Variants in DPP10 observed in about 807,000 individuals in gnomAD.
The protein encoded by DPP10 is inactive dipeptidyl peptidase 10.
A neutral mutation model predicts 120.9 loss-of-function variants in DPP10; 33 were observed. The ratio of observed to expected loss-of-function variants is 0.27; its 90% CI spans 0.21 to 0.37. DPP10 has a LOEUF of 0.37. Ranked by LOEUF, DPP10 falls within the 10% of genes least tolerant of loss-of-function variation. The pLI is 1.00. For synonymous variants in DPP10, 337 were observed against 326.1 expected (o/e 1.03, Z -0.36); for missense variants, 816 against 942.8 (o/e 0.87, Z 1.76).
At chr2:115,820,148 T>C (rs1407517809) in intron 21 of DPP10, among the ~76,000 whole-genome samples, 1 of 152,224 alleles carries the variant, frequency 6.6e-6, no homozygotes, top group African/African-American at 2.4e-5. Context: ...ACTTTTCTTA[T>C]TATTTTTATG....
chr2:115,379,091 C>CTTTT (rs943975083), intron 3 of DPP10, among the ~76,000 whole-genome samples: 2 of 152,134 alleles, frequency 1.3e-5, no homozygotes, highest in Non-Finnish European at 2.9e-5. Context: ...AGGATTCCCT[C>CTTTT]TTTTTCTATT....
chr2:114,950,686 G>A (rs552337812), intron 1 of DPP10, among the ~76,000 whole-genome samples: 3 of 151,880 alleles, frequency 2.0e-5, no homozygotes, highest in East Asian at 3.9e-4. Context: ...TGTTATTTAG[G>A]TTTTAAAGGG....
In DPP10 at chr2:115,262,243, A is replaced by G. The variant is rs946077544; in HGVS notation, c.61-46996A>G. ...TTTTTTTTAACTTACTGATCATTAT[A>G]TATCTGAGAAATTTGGTGTAACACC... On this transcript the variant is annotated intron_variant, in intron 1 of 25. Coordinates refer to ENST00000410059, the MANE Select transcript of DPP10 (RefSeq NM_020868.6). Among the ~76,000 whole-genome samples, 14 of 152,204 alleles carry G rather than the reference A, an allele frequency of 9.2e-5. 1 individual carries two copies. The highest frequency in any genetic ancestry group is 3.4e-4 in the African/African-American group (14 of 41,524).
chr2:114,907,062 G>T (rs905914905), intron 1 of DPP10, among the ~76,000 whole-genome samples: 1 of 151,850 alleles, frequency 6.6e-6, no homozygotes, highest in African/African-American at 2.4e-5. Flanking sequence ...TTGGTAGTTT[G>T]TTTCTAGAAA....
chr2:115,780,850 A>C (rs769516486), intron 15 of DPP10, 24 bp from the exon 16 acceptor site: 1 of 1,591,092 alleles, frequency 6.3e-7, no homozygotes, highest in African/African-American at 1.3e-5. Flanking sequence ...CATTTCTATA[A>C]TAACTTCCTT....
chr2:114,445,847 T>C (rs1408172876), intron 1 of DPP10, among the ~76,000 whole-genome samples: 1 of 151,988 alleles, frequency 6.6e-6, no homozygotes, highest in Non-Finnish European at 1.5e-5. Context: ...TCAAAACCAG[T>C]AAGGGAGAGA....
At chr2:115,379,477 A>G (rs1474746495) in intron 3 of DPP10, among the ~76,000 whole-genome samples, 1 of 151,840 alleles carries the variant, frequency 6.6e-6, no homozygotes, top group East Asian at 1.9e-4. Flanking sequence ...CGGTCTGTCA[A>G]TTTTGTTGAT....
intron 3 of DPP10, among the ~76,000 whole-genome samples, chr2:115,473,219 G>T (rs1313427727): frequency 6.6e-6 from 1 of 152,128 alleles, no homozygotes; most frequent in Non-Finnish European, 1.5e-5. Flanking sequence ...ATACATAGTA[G>T]ATGCCTAATA....
In DPP10 at chr2:115,825,604, C is replaced by A. The variant is rs142973935; in HGVS notation, c.1950+9875C>A. Among the ~76,000 whole-genome samples the A allele has an allele frequency of 4.6e-5, 7 of 152,196 alleles. No individual in the cohort carries two copies. In the East Asian group the frequency reaches 1.4e-3, roughly 29 times the overall value. ...CCAAACTTTATCCTTTTTTCAAACTCCAATTCAAACCTTTCCTATTCTGAA... is the reference window on the plus strand; with the variant it reads ...CCAAACTTTATCCTTTTTTCAAACTACAATTCAAACCTTTCCTATTCTGAA... On this transcript the variant is annotated intron_variant, in intron 21 of 25. Coordinates refer to ENST00000410059, the MANE Select transcript of DPP10 (RefSeq NM_020868.6).
chr2:114,471,674 T>G (rs1022137219), intron 1 of DPP10, among the ~76,000 whole-genome samples: 6 of 152,322 alleles, frequency 3.9e-5, no homozygotes, highest in East Asian at 1.9e-4. Context: ...AAATTGGAGA[T>G]GAATTTCTTA....
chr2:114,661,359 A>C (rs1476203509), intron 1 of DPP10, among the ~76,000 whole-genome samples: 1 of 152,232 alleles, frequency 6.6e-6, no homozygotes, highest in Non-Finnish European at 1.5e-5. Context: ...TGTAGATGTC[A>C]TACTACATGC....
chr2:115,358,579 T>C (rs1365701041), intron 3 of DPP10, among the ~76,000 whole-genome samples: 1 of 152,186 alleles, frequency 6.6e-6, no homozygotes, highest in African/African-American at 2.4e-5. Flanking sequence ...CAGACTGTTT[T>C]AACCTGTGCC....
intron 5 of DPP10, among the ~76,000 whole-genome samples, chr2:115,628,908 T>C (rs2085597138): frequency 6.6e-6 from 1 of 152,144 alleles, no homozygotes; most frequent in African/African-American, 2.4e-5. Flanking sequence ...GTTGGTGTGC[T>C]GCACCCATTA....
intron 3 of DPP10, among the ~76,000 whole-genome samples, chr2:115,466,699 A>G (rs1177809199): frequency 1.3e-5 from 2 of 152,172 alleles, no homozygotes; most frequent in East Asian, 3.9e-4. Flanking sequence ...GAGGCTTGAT[A>G]TACTGTGATG....
chr2:115,067,467 T>A (rs1329991689), intron 1 of DPP10, among the ~76,000 whole-genome samples: 2 of 149,526 alleles, frequency 1.3e-5, no homozygotes, highest in Non-Finnish European at 3.0e-5. Flanking sequence ...TTAGCCAGGA[T>A]GGTTTCGATC....
At chr2:114,678,015 AC>A (rs1212482031) in intron 1 of DPP10, among the ~76,000 whole-genome samples, 9 of 152,170 alleles carry the variant, frequency 5.9e-5, no homozygotes, top group Non-Finnish European at 1.0e-4. Flanking sequence ...TTTGTAATAT[AC>A]TATAACATGA....
intron 3 of DPP10, among the ~76,000 whole-genome samples, chr2:115,385,575 T>C (rs1018046347): frequency 2.6e-5 from 4 of 152,140 alleles, no homozygotes; most frequent in Non-Finnish European, 5.9e-5. Flanking sequence ...CAGGCTGTTC[T>C]TGAACTCCTG....
chr2:115,299,448 AGAT>A (rs2061028850), intron 1 of DPP10, among the ~76,000 whole-genome samples: 1 of 152,026 alleles, frequency 6.6e-6, no homozygotes, highest in African/African-American at 2.4e-5. Flanking sequence ...AAATACTGTA[AGAT>A]GATGGAAGAA....
chr2:114,642,554 G>A (rs908049416), intron 1 of DPP10, among the ~76,000 whole-genome samples: 1 of 151,896 alleles, frequency 6.6e-6, no homozygotes, highest in Non-Finnish European at 1.5e-5. Context: ...CAGTGCAGAT[G>A]GGTAAGTAAG....
Sources: allele counts gnomAD v4.1 joint callset (sites outside exome capture counted in the v4.1 genomes callset), GRCh38; gene constraint gnomAD v4.1.1; transcripts MANE v1.5; gene names NCBI Gene and HGNC (gene_info 2026-07-23, HGNC 2026-07-21).